Variants in LARGE1 observed in about 807,000 individuals in gnomAD.
LARGE1 encodes the protein xylosyl- and glucuronyltransferase LARGE1.
In LARGE1, 43 loss-of-function variants were observed where a neutral mutation model predicts 87.6. The observed-to-expected ratio is 0.49, with a 90% CI of 0.38 to 0.63. The LOEUF is 0.63. LARGE1 is among the 30% of genes least tolerant of loss of function. The probability of loss-of-function intolerance (pLI) is 0.00; values close to 1 mark genes in which losing one functional copy is unlikely to be tolerated. For missense variants in LARGE1, 802 were observed against 1,000.2 expected (o/e 0.80, Z 2.67); for synonymous variants, 434 against 394.6 (o/e 1.10, Z -1.18).
At chr22:33,129,999 T>C in the LARGE1 span, among the ~76,000 whole-genome samples, 1 of 152,156 alleles carries the variant, frequency 6.6e-6, no homozygotes, top group African/African-American at 2.4e-5. Flanking sequence ...TCTATTATTT[T>C]TGCAACTTCT....
chr22:33,763,020 T>A (rs950846969), intron 1 of LARGE1, among the ~76,000 whole-genome samples: 5 of 152,220 alleles, frequency 3.3e-5, no homozygotes, highest in African/African-American at 1.2e-4. Flanking sequence ...TCCTTCCCTC[T>A]TGGGTAACCC....
chr22:33,576,831 T>C (rs2148849444), intron 5 of LARGE1, among the ~76,000 whole-genome samples: 1 of 152,342 alleles, frequency 6.6e-6, no homozygotes, highest in Admixed American at 6.5e-5. Flanking sequence ...TAATGCAATG[T>C]AAATACTATG....
chr22:33,091,559 C>T, the LARGE1 span, among the ~76,000 whole-genome samples: 2 of 140,494 alleles, frequency 1.4e-5, no homozygotes, highest in African/African-American at 2.6e-5. Context: ...GACTCCATCT[C>T]AAATAAATAA....
intron 12 of LARGE1, among the ~76,000 whole-genome samples, chr22:33,284,783 G>A (rs542636847): frequency 7.8e-4 from 119 of 152,080 alleles, no homozygotes; most frequent in Non-Finnish European, 1.1e-3. Context: ...TCACCGTGTT[G>A]GCAGGATGGT....
intron 1 of LARGE1, among the ~76,000 whole-genome samples, chr22:33,794,665 G>A (rs1021091806): frequency 2.0e-5 from 3 of 150,998 alleles, no homozygotes; most frequent in Non-Finnish European, 4.4e-5. Context: ...CTGTCGCCCA[G>A]GCTGGAGCAC....
intron 5 of LARGE1, among the ~76,000 whole-genome samples, chr22:33,591,402 T>C (rs1297744329): frequency 6.6e-6 from 1 of 152,206 alleles, no homozygotes. Flanking sequence ...TGATGACTAA[T>C]GATGTCATTA....
chr22:33,535,499 C>T (rs1470845253), intron 6 of LARGE1, among the ~76,000 whole-genome samples: 1 of 150,528 alleles, frequency 6.6e-6, no homozygotes, highest in African/African-American at 2.5e-5. Flanking sequence ...GCTGAGATCG[C>T]ACTACTGTAC....
At chr22:33,572,104 G>T in intron 5 of LARGE1, 2 of 705,766 alleles carry the variant, frequency 2.8e-6, no homozygotes, top group Non-Finnish European at 4.5e-6. Context: ...GCTCTCCTCT[G>T]CCATACTGGA....
intron 11 of LARGE1, among the ~76,000 whole-genome samples, chr22:33,221,054 A>T (rs1343749281): frequency 6.6e-6 from 1 of 152,068 alleles, no homozygotes; most frequent in African/African-American, 2.4e-5. Context: ...TTTCCCCCTC[A>T]GCACACCCTC....
intron 2 of LARGE1, among the ~76,000 whole-genome samples, chr22:33,719,489 T>C (rs1342214474): frequency 1.3e-5 from 2 of 149,772 alleles, no homozygotes; most frequent in African/African-American, 4.9e-5. Flanking sequence ...AGGTATGCCA[T>C]CTATACCATA....
At chr22:33,868,121 C>A (rs1416885082) in intron 1 of LARGE1, among the ~76,000 whole-genome samples, 1 of 152,174 alleles carries the variant, frequency 6.6e-6, no homozygotes, top group African/African-American at 2.4e-5. Flanking sequence ...TTCATACCAG[C>A]AACCTCGTCC....
chr22:33,660,324 G>A (rs1044439443), intron 2 of LARGE1, among the ~76,000 whole-genome samples: 2 of 152,170 alleles, frequency 1.3e-5, no homozygotes, highest in African/African-American at 4.8e-5. Context: ...TAGAAAAATG[G>A]AAGGACTTGA....
At chr22:33,145,106 T>C in the LARGE1 span, among the ~76,000 whole-genome samples, 2 of 152,084 alleles carry the variant, frequency 1.3e-5, no homozygotes, top group African/African-American at 2.4e-5. Context: ...GAGAAAGTAG[T>C]TGACATGGGA....
chr22:33,622,050 T>C (rs990250787), intron 4 of LARGE1, among the ~76,000 whole-genome samples: 1 of 152,160 alleles, frequency 6.6e-6, no homozygotes, highest in Admixed American at 6.5e-5. Context: ...TTTGGGATGA[T>C]TGAAGTGGTG....
chr22:33,116,655 G>C, the LARGE1 span, among the ~76,000 whole-genome samples: 6 of 152,026 alleles, frequency 3.9e-5, no homozygotes, highest in Admixed American at 3.9e-4. Context: ...GAGCCACCGC[G>C]CCCAGCTCCC....
chr22:33,468,341 C>T (rs1443915112), intron 6 of LARGE1, among the ~76,000 whole-genome samples: 1 of 152,150 alleles, frequency 6.6e-6, no homozygotes, highest in Non-Finnish European at 1.5e-5. Flanking sequence ...TGCAGTGATG[C>T]CTCTAGTCCC....
intron 11 of LARGE1, among the ~76,000 whole-genome samples, chr22:33,252,126 T>C (rs749902729): frequency 1.3e-5 from 2 of 152,190 alleles, no homozygotes; most frequent in Non-Finnish European, 2.9e-5. Context: ...ATCTGGGATA[T>C]ACTGCATACT....
At chr22:33,509,056 A>G (rs895959299) in intron 6 of LARGE1, among the ~76,000 whole-genome samples, 5 of 152,224 alleles carry the variant, frequency 3.3e-5, no homozygotes, top group African/African-American at 1.2e-4. Flanking sequence ...GAACAGGTAT[A>G]TCAGGCCTTA....
At chr22:33,124,333 A>G in the LARGE1 span, among the ~76,000 whole-genome samples, 1 of 54,936 alleles carries the variant, frequency 1.8e-5, no homozygotes. Context: ...AGGGAGAAAG[A>G]GACAAAGAGA....
Sources: allele counts gnomAD v4.1 joint callset (sites outside exome capture counted in the v4.1 genomes callset), GRCh38; gene constraint gnomAD v4.1.1; transcripts MANE v1.5; gene names NCBI Gene and HGNC (gene_info 2026-07-23, HGNC 2026-07-21).